The following EDEM1 variants were observed in gnomAD, a reference collection of about 807,000 sequenced individuals.
The protein encoded by EDEM1 is ER degradation-enhancing alpha-mannosidase-like protein 1.
Under a neutral mutation model 74.4 loss-of-function variants are expected in EDEM1, and 67 were observed. That is an observed-to-expected ratio of 0.90 (90% CI 0.74 to 1.10). The LOEUF (loss-of-function observed/expected upper bound fraction) is 1.10, where lower values mean the gene tolerates loss of function less well. EDEM1 is among the 50% of genes least tolerant of loss of function. The pLI, the probability that EDEM1 is intolerant of heterozygous loss-of-function variation, is 0.00. For missense variants in EDEM1, 926 were observed against 851.6 expected, an observed-to-expected ratio of 1.09 and a Z score of -1.09; for synonymous variants, 382 against 335.9, an observed-to-expected ratio of 1.14 and a Z score of -1.50.
chr3:5,205,806 A>G (rs999573066), intron 6 of EDEM1, among the ~76,000 whole-genome samples: 5 of 152,080 alleles, frequency 3.3e-5, no homozygotes, highest in South Asian at 2.1e-4. Flanking sequence ...TGATATACCA[A>G]TACTTCTGCC....
At chr3:5,192,976 TA>T (rs2054919250) in intron 1 of EDEM1, among the ~76,000 whole-genome samples, 1 of 152,014 alleles carries the variant, frequency 6.6e-6, no homozygotes, top group African/African-American at 2.4e-5. Flanking sequence ...CTGGGCATTG[TA>T]AAAAATATTT....
rs1299481633 is a variant in EDEM1, at chr3:5,213,516, C to T, written c.1878C>T (p.Ser626=). Residue 626 remains serine (S), a synonymous_variant, in exon 11 of 12, where the codon AGC becomes AGT. Coordinates refer to ENST00000256497, the MANE Select transcript of EDEM1 (RefSeq NM_014674.3). ...ATGAGTTAAAAGTCATCAACTCCAG[C>T]TCCAACGTGAGTTGCTTTTTCCAGG... ...KPHELKVINS[S]SNCNRVPDER... The T allele has an allele frequency of 1.9e-6, 3 of 1,605,342 alleles. No homozygotes were observed. Among genetic ancestry groups the T allele is most frequent in the East Asian group, 2.2e-5 (1 of 44,714 alleles).
intron 8 of EDEM1, 106 bp downstream of exon 8, chr3:5,208,369 T>C (rs1282420640): frequency 1.2e-5 from 17 of 1,367,072 alleles, no homozygotes; most frequent in East Asian, 2.3e-5. Flanking sequence ...TGTTGTTTCA[T>C]AGTGACTCTG....
intron 2 of EDEM1, 68 bp from the exon 3 acceptor site, chr3:5,199,524 C>A: frequency 8.6e-7 from 1 of 1,161,584 alleles, no homozygotes; most frequent in Non-Finnish European, 1.3e-6. Flanking sequence ...CGTGACTGGG[C>A]TGCTGTGATG....
At chr3:5,195,172 TA>T in intron 1 of EDEM1, 36 bp from the exon 2 acceptor site, 1 of 1,265,240 alleles carries the variant, frequency 7.9e-7, no homozygotes, top group Non-Finnish European at 1.1e-6. Context: ...TCTTTTGAAA[TA>T]AAGTCTTTTT....
In EDEM1 at chr3:5,188,260, A is replaced by C; in HGVS notation, c.455A>C (p.Gln152Pro). Residue 152 changes from glutamine to proline, a missense_variant, in exon 1 of 12, where the codon CAG becomes CCG. By Grantham distance (76) the Gln-to-Pro change is moderately conservative. Transcript: ENST00000256497. The stretch of plus-strand genomic sequence containing the variant: ...AACTACATGGCTCACGCCTTCCCCC[A>C]GGACGAGCTCAACCCCATCCACTGC... ...YDNYMAHAFPQDELNPIHCRG... is the reference protein window; with the variant it reads ...YDNYMAHAFPPDELNPIHCRG... 1 of 1,576,220 alleles carries C rather than the reference A, an allele frequency of 6.3e-7. No homozygotes were observed. The highest frequency in any genetic ancestry group is 8.6e-7 in the Non-Finnish European group (1 of 1,163,550).
rs34661098 is a variant in EDEM1 at position 5,211,653 on chromosome 3, AGTGTGT to A, written c.1680+468_1680+473del. On this transcript the variant is annotated intron_variant, in intron 10 of 11. Transcript: ENST00000256497. ...ACATCCTCAGGCACATGAGTGAGTG[AGTGTGT>A]GTGTGTGTGTGTGTGTGTGTGTGTG... Among the ~76,000 whole-genome samples, 320 of 146,956 alleles carry A rather than the reference AGTGTGT, an allele frequency of 2.2e-3. 3 individuals carry two copies. The highest frequency in any genetic ancestry group is 7.2e-3 in the African/African-American group (275 of 38,166).
chr3:5,188,459 G>A, intron 1 of EDEM1, 145 bp downstream of exon 1: 1 of 925,968 alleles, frequency 1.1e-6, no homozygotes, highest in Non-Finnish European at 1.4e-6. Flanking sequence ...CCTGTCCCGT[G>A]TGAGTCCCTG....
intron 1 of EDEM1, among the ~76,000 whole-genome samples, chr3:5,193,164 A>G (rs778430683): frequency 6.6e-6 from 1 of 152,106 alleles, no homozygotes; most frequent in East Asian, 1.9e-4. Flanking sequence ...GGTTCTCCTG[A>G]TTACCATCTA....
chr3:5,208,316 G>A, intron 8 of EDEM1, 53 bp downstream of exon 8: 1 of 1,570,588 alleles, frequency 6.4e-7, no homozygotes, highest in Non-Finnish European at 8.6e-7. Flanking sequence ...CCTGACCCCA[G>A]CAGTTCATTC....
intron 2 of EDEM1, among the ~76,000 whole-genome samples, chr3:5,197,366 T>C (rs1408825445): frequency 6.6e-6 from 1 of 152,128 alleles, no homozygotes; most frequent in South Asian, 2.1e-4. Flanking sequence ...AGTCCTACAG[T>C]CAAACAAACA....
intron 1 of EDEM1, among the ~76,000 whole-genome samples, chr3:5,193,743 G>A (rs144741069): frequency 2.1e-4 from 32 of 152,120 alleles, no homozygotes; most frequent in African/African-American, 7.2e-4. Context: ...GATTACAGGC[G>A]CCTGCCACCA....
Position 5,211,111 on chromosome 3 carries a change from G to C in EDEM1, c.1584-9G>C, listed in dbSNP as rs376203457. ...GAGAGGCAGGACTGACCAGATGATT[G>C]TTTTGTAGGTGTGGGTACGCCACGC... On this transcript the variant is annotated splice_polypyrimidine_tract_variant and intron_variant, in intron 9 of 11. Coordinates refer to ENST00000256497, the MANE Select transcript of EDEM1 (RefSeq NM_014674.3). 3.1e-6 allele frequency: 5 copies of C among 1,613,766 alleles called. No homozygotes were observed. The highest frequency in any genetic ancestry group is 1.3e-5 in the African/African-American group (1 of 74,936).
chr3:5,198,426 T>C (rs1373758970), intron 2 of EDEM1, among the ~76,000 whole-genome samples: 1 of 151,780 alleles, frequency 6.6e-6, no homozygotes, highest in African/African-American at 2.4e-5. Context: ...CTTATGCCTT[T>C]GTCTGGCTTA....
chr3:5,189,556 A>G (rs796904355), intron 1 of EDEM1: 6 of 152,292 alleles, frequency 3.9e-5, no homozygotes, highest in African/African-American at 1.4e-4. Flanking sequence ...AATTTTTTTG[A>G]GAAAAAATAT....
intron 7 of EDEM1, among the ~76,000 whole-genome samples, chr3:5,207,873 C>G (rs1243673912): frequency 6.6e-6 from 1 of 152,184 alleles, no homozygotes; most frequent in Admixed American, 6.5e-5. Flanking sequence ...CACGTAATCT[C>G]TTTTTCTGTG....
intron 4 of EDEM1, 114 bp from the exon 5 acceptor site, chr3:5,202,852 A>G (rs2055049745): frequency 1.2e-6 from 1 of 835,256 alleles, no homozygotes. Context: ...CAGAGGGCAG[A>G]CTCTCACCGT....
At position 5,203,022 on chromosome 3, in the gene EDEM1, A is replaced by T. The variant is rs2055052012; in HGVS notation, c.915A>T (p.Gly305=). ...CCAATAATGAGACATGCACAGCGGG[A>T]GCCGGTTCCCTCCTGGTGGAATTTG... ...PDTNNETCTA[G]AGSLLVEFGI... is the part of the protein sequence containing the mutation. The change falls in exon 5 of 12, where the codon GGA becomes GGT. Residue 305 remains glycine, a synonymous_variant. Transcript: ENST00000256497. 1.9e-6 allele frequency: 3 copies of T among 1,613,794 alleles called. No individual in the cohort carries two copies. The highest frequency in any genetic ancestry group is 1.7e-6 in the Non-Finnish European group (2 of 1,179,926).
In EDEM1 at chr3:5,188,030, G is replaced by C; in HGVS notation, c.225G>C (p.Pro75=). 6.9e-7 allele frequency: 1 copy of C among 1,452,668 alleles called. No homozygotes were observed. The highest frequency in any genetic ancestry group is 9.0e-7 in the Non-Finnish European group (1 of 1,106,670). 90.0% of individuals were successfully genotyped at this position (1,452,668 alleles called of 1,614,324 possible). A position where few individuals can be genotyped will look rare whatever the true frequency, so the allele number is the denominator to read the frequency against. ...CCGGGCCGTCGTGGCTGCAGCCGCC[G>C]GGGACCGGGGCAGCGCAGAGCCCGC... The part of the protein sequence containing the change: ...GVSGPSWLQP[P]GTGAAQSPRK... Residue 75 remains proline, a synonymous_variant, in exon 1 of 12, where the codon CCG becomes CCC. Transcript: ENST00000256497.
Sources: allele counts gnomAD v4.1 joint callset (sites outside exome capture counted in the v4.1 genomes callset), GRCh38; gene constraint gnomAD v4.1.1; transcripts MANE v1.5; gene names NCBI Gene and HGNC (gene_info 2026-07-23, HGNC 2026-07-21).